The following PXDNL variants were observed in gnomAD, a reference collection of about 807,000 sequenced individuals.
PXDNL encodes the protein probable oxidoreductase PXDNL.
Under a neutral mutation model 150.8 loss-of-function variants are expected in PXDNL, and 145 were observed. The ratio of observed to expected loss-of-function variants is 0.96; its 90% CI spans 0.84 to 1.10. The LOEUF (loss-of-function observed/expected upper bound fraction) is 1.10, where lower values mean the gene tolerates loss of function less well. Ranked by LOEUF, PXDNL falls within the 50% of genes least tolerant of loss-of-function variation. The pLI, the probability that PXDNL is intolerant of heterozygous loss-of-function variation, is 0.00. For missense variants in PXDNL, 2,087 were observed against 1,873.9 expected, an observed-to-expected ratio of 1.11 and a Z score of -2.10; for synonymous variants, 757 against 725.7, an observed-to-expected ratio of 1.04 and a Z score of -0.69.
At chr8:51,555,914 G>T (rs1182900820) in intron 4 of PXDNL, among the ~76,000 whole-genome samples, 1 of 152,082 alleles carries the variant, frequency 6.6e-6, no homozygotes, top group Non-Finnish European at 1.5e-5. Context: ...GTGAATCTGA[G>T]GTTTTCATAA....
At chr8:51,627,225 C>T (rs1013069609) in intron 2 of PXDNL, among the ~76,000 whole-genome samples, 9 of 152,094 alleles carry the variant, frequency 5.9e-5, no homozygotes, top group African/African-American at 2.2e-4. Flanking sequence ...AATTTGAATA[C>T]TAGCAGGTCA....
intron 1 of PXDNL, among the ~76,000 whole-genome samples, chr8:51,800,945 GAAAC>G (rs1395485690): frequency 6.6e-6 from 1 of 152,118 alleles, no homozygotes; most frequent in Non-Finnish European, 1.5e-5. Flanking sequence ...GTGCACCTTG[GAAAC>G]AAACAGAATA....
intron 1 of PXDNL, among the ~76,000 whole-genome samples, chr8:51,660,899 C>G (rs1340731218): frequency 3.9e-5 from 6 of 152,262 alleles, no homozygotes; most frequent in African/African-American, 1.2e-4. Context: ...CCAATCAGCC[C>G]TGCTCCAGCT....
intron 8 of PXDNL, among the ~76,000 whole-genome samples, chr8:51,469,925 T>G: frequency 6.6e-6 from 1 of 152,210 alleles, no homozygotes; most frequent in East Asian, 1.9e-4. Context: ...ATACTTTTCT[T>G]TATTCTATTC....
intron 1 of PXDNL, among the ~76,000 whole-genome samples, chr8:51,738,615 C>T (rs1319074326): frequency 6.0e-5 from 8 of 133,532 alleles, no homozygotes; most frequent in African/African-American, 8.5e-5. Context: ...ACTTTACGCT[C>T]ATAAACTTGA....
At chr8:51,375,911 A>G (rs1375398121) in intron 17 of PXDNL, among the ~76,000 whole-genome samples, 1 of 152,218 alleles carries the variant, frequency 6.6e-6, no homozygotes, top group Non-Finnish European at 1.5e-5. Flanking sequence ...AAACAGACAT[A>G]GTTGTGTTCC....
chr8:51,393,265 A>G (rs1256588311), intron 17 of PXDNL, among the ~76,000 whole-genome samples: 2 of 152,236 alleles, frequency 1.3e-5, no homozygotes, highest in Admixed American at 1.3e-4. Flanking sequence ...GCATAGACTT[A>G]GCATCCAGGC....
intron 17 of PXDNL, among the ~76,000 whole-genome samples, chr8:51,401,655 T>C (rs903348533): frequency 2.0e-5 from 3 of 152,148 alleles, no homozygotes; most frequent in African/African-American, 7.2e-5. Context: ...ATGTCTGAGA[T>C]GCCAGCGAGG....
At chr8:51,369,757 A>C (rs1461532363) in intron 19 of PXDNL, among the ~76,000 whole-genome samples, 1 of 152,224 alleles carries the variant, frequency 6.6e-6, no homozygotes, top group Non-Finnish European at 1.5e-5. Flanking sequence ...GAGAAAGAGT[A>C]TTCTTATTAT....
In PXDNL at chr8:51,542,845, T is replaced by C. The variant is rs576124791; in HGVS notation, c.380+13995A>G. On this transcript the variant is annotated intron_variant, in intron 4 of 22. Transcript: ENST00000356297. Reference sequence around the variant, plus strand: ...AAGAAAGAAAGAAAATGAGACACTCTTTTACAATAAACTAGACAGATCAAC... The same window carrying C: ...AAGAAAGAAAGAAAATGAGACACTCCTTTACAATAAACTAGACAGATCAAC... 4.0e-5 allele frequency among the ~76,000 whole-genome samples: 6 copies of C among 151,846 alleles called. No homozygotes were observed. The East Asian group carries it at 1.2e-3, about 29-fold the overall frequency.
intron 2 of PXDNL, among the ~76,000 whole-genome samples, chr8:51,615,711 T>G (rs1446786640): frequency 6.6e-6 from 1 of 152,210 alleles, no homozygotes; most frequent in Non-Finnish European, 1.5e-5. Flanking sequence ...CTCCTTAAGA[T>G]AGATTTTACC....
chr8:51,597,925 G>T (rs13260509), intron 2 of PXDNL, among the ~76,000 whole-genome samples: 16,549 of 152,034 alleles, frequency 0.11, 1,057 homozygotes, highest in African/African-American at 0.16. Context: ...TGTTGGTCAG[G>T]ATGGTCTCAA....
chr8:51,409,678 G>T, intron 16 of PXDNL, 117 bp from the exon 17 acceptor site: 1 of 742,746 alleles, frequency 1.3e-6, no homozygotes. Context: ...GTGAAAAGAG[G>T]CCTTTCTTAC....
At chr8:51,735,535 T>TGTTTG (rs374582450) in intron 1 of PXDNL, among the ~76,000 whole-genome samples, 1 of 120,124 alleles carries the variant, frequency 8.3e-6, no homozygotes, top group African/African-American at 3.9e-5. Context: ...TGTTTTTTTT[T>TGTTTG]TTTTTTTTTT....
chr8:51,522,100 T>G (rs1163563900), intron 4 of PXDNL, among the ~76,000 whole-genome samples: 5 of 152,002 alleles, frequency 3.3e-5, no homozygotes, highest in Non-Finnish European at 7.4e-5. Flanking sequence ...TTTATTTTTC[T>G]TATTTTTAAG....
intron 14 of PXDNL, among the ~76,000 whole-genome samples, chr8:51,418,625 TG>T (rs1249458130): frequency 2.6e-5 from 4 of 152,228 alleles, no homozygotes; most frequent in African/African-American, 9.6e-5. Flanking sequence ...GTATAGCATT[TG>T]GAACACATGG....
intron 1 of PXDNL, among the ~76,000 whole-genome samples, chr8:51,663,309 G>A (rs773470928): frequency 5.9e-5 from 9 of 152,264 alleles, no homozygotes; most frequent in Middle Eastern, 6.8e-3. Context: ...CCAAGGGCCC[G>A]AGGCTGCACC....
intron 17 of PXDNL, among the ~76,000 whole-genome samples, chr8:51,399,409 A>G (rs2130859100): frequency 6.6e-6 from 1 of 152,342 alleles, no homozygotes; most frequent in South Asian, 2.1e-4. Flanking sequence ...AACAAAATAT[A>G]TGATCTACAG....
chr8:51,396,830 T>C (rs1462149749), intron 17 of PXDNL, among the ~76,000 whole-genome samples: 1 of 152,178 alleles, frequency 6.6e-6, no homozygotes, highest in African/African-American at 2.4e-5. Context: ...TTCTTTCCAA[T>C]CAGCCCTGCT....
Sources: allele counts gnomAD v4.1 joint callset (sites outside exome capture counted in the v4.1 genomes callset), GRCh38; gene constraint gnomAD v4.1.1; transcripts MANE v1.5; gene names NCBI Gene and HGNC (gene_info 2026-07-23, HGNC 2026-07-21).